KLF8: variants seen among roughly 807,000 people sequenced by gnomAD.
KLF8 encodes the protein Krueppel-like factor 8.
KLF8 carries 10 observed loss-of-function variants against 18.2 expected under a neutral mutation model. The ratio of observed to expected loss-of-function variants is 0.55; its 90% CI spans 0.34 to 0.93. The LOEUF is 0.93. Ranked by LOEUF, KLF8 falls within the 40% of genes least tolerant of loss-of-function variation. The pLI is 0.02. For synonymous variants in KLF8, 109 were observed against 97.3 expected (o/e 1.12, Z -0.71); for missense variants, 264 against 277.9 (o/e 0.95, Z 0.36).
At chrX:56,029,050 T>G in the KLF8 span, among the ~76,000 whole-genome samples, 1 of 110,867 alleles carries the variant, frequency 9.0e-6, no homozygotes, top group Non-Finnish European at 1.9e-5. Flanking sequence ...TTCAAGAGCT[T>G]CCCTGGGAAC....
chrX:55,911,372 T>C, the KLF8 span, among the ~76,000 whole-genome samples: 11 of 112,171 alleles, frequency 9.8e-5, no homozygotes, highest in African/African-American at 3.6e-4. Flanking sequence ...GTCTCTTCAA[T>C]GTACTTCAAC....
At chrX:56,093,015 GA>G in the KLF8 span, among the ~76,000 whole-genome samples, 14,081 of 87,185 alleles carry the variant, frequency 0.16, 1,098 homozygotes, top group African/African-American at 0.28. Context: ...GAAAATGAAT[GA>G]AAAAAAAAAA....
At chrX:56,081,113 A>G in the KLF8 span, among the ~76,000 whole-genome samples, 1 of 111,296 alleles carries the variant, frequency 9.0e-6, no homozygotes, top group Non-Finnish European at 1.9e-5. Context: ...CTTAGCTCAG[A>G]GTAATTTGAT....
intron 1 of KLF8, among the ~76,000 whole-genome samples, chrX:56,248,324 GT>G (rs1473853893): frequency 9.0e-6 from 1 of 111,040 alleles, no homozygotes. Context: ...AAAGAACAGT[GT>G]CGTATCTGTG....
chrX:56,020,015 A>C, the KLF8 span, among the ~76,000 whole-genome samples: 1 of 111,934 alleles, frequency 8.9e-6, no homozygotes, highest in African/African-American at 3.2e-5. Context: ...ATAAAAACAG[A>C]ATAGAGAATT....
At chrX:55,957,559 T>C in the KLF8 span, among the ~76,000 whole-genome samples, 1 of 112,358 alleles carries the variant, frequency 8.9e-6, no homozygotes, top group African/African-American at 3.2e-5. Flanking sequence ...GTTTTCATTA[T>C]TTTCTTTCAG....
chrX:56,072,572 C>T, the KLF8 span, among the ~76,000 whole-genome samples: 3 of 111,718 alleles, frequency 2.7e-5, no homozygotes, highest in Non-Finnish European at 3.8e-5. Flanking sequence ...GATATATTTA[C>T]GCTTTTATCT....
chrX:55,922,636 A>C, the KLF8 span, among the ~76,000 whole-genome samples: 5 of 112,765 alleles, frequency 4.4e-5, no homozygotes, highest in Admixed American at 4.7e-4. Flanking sequence ...CGAAAGAAAG[A>C]AAAAATCCCA....
chrX:56,268,814 T>C (rs1453779427), intron 3 of KLF8: 2 of 815,516 alleles, frequency 2.5e-6, no homozygotes, highest in East Asian at 1.2e-4. Flanking sequence ...ATAAGGAATA[T>C]TTGACAGCTT....
chrX:56,119,957 G>A, the KLF8 span, among the ~76,000 whole-genome samples: 3 of 108,095 alleles, frequency 2.8e-5, no homozygotes, highest in Non-Finnish European at 5.7e-5. Context: ...ACTCCATTTC[G>A]GCCCTTTTAC....
At chrX:56,048,023 A>G in the KLF8 span, among the ~76,000 whole-genome samples, 3 of 112,080 alleles carry the variant, frequency 2.7e-5, no homozygotes, top group African/African-American at 9.7e-5. Flanking sequence ...GCCAGTCATG[A>G]TAAGCATTTT....
chrX:56,165,558 G>A, the KLF8 span, among the ~76,000 whole-genome samples: 11 of 111,885 alleles, frequency 9.8e-5, no homozygotes, highest in South Asian at 3.7e-3. Flanking sequence ...ACGTTGTCAT[G>A]TTTCATTGTA....
the KLF8 span, among the ~76,000 whole-genome samples, chrX:55,989,932 G>A: frequency 9.0e-6 from 1 of 111,437 alleles, no homozygotes; most frequent in African/African-American, 3.3e-5. Context: ...TTAGTCTTGG[G>A]GGGGTGTATG....
At chrX:56,162,237 A>G in the KLF8 span, among the ~76,000 whole-genome samples, 1 of 112,225 alleles carries the variant, frequency 8.9e-6, no homozygotes, top group South Asian at 3.7e-4. Context: ...TTGCGGAGGC[A>G]GTCTGTCCAT....
the KLF8 span, among the ~76,000 whole-genome samples, chrX:56,140,814 A>AAG: frequency 1.9e-5 from 2 of 105,740 alleles, no homozygotes; most frequent in African/African-American, 7.3e-5. Flanking sequence ...AAAAAAAAAA[A>AAG]AAAAAGAAAT....
At chrX:55,946,290 G>A in the KLF8 span, among the ~76,000 whole-genome samples, 48 of 111,374 alleles carry the variant, frequency 4.3e-4, no homozygotes, top group African/African-American at 1.2e-3. Flanking sequence ...AAACAGAGAT[G>A]TAGATCAATG....
the KLF8 span, among the ~76,000 whole-genome samples, chrX:56,155,675 T>C: frequency 9.0e-6 from 1 of 111,545 alleles, no homozygotes; most frequent in African/African-American, 3.2e-5. Context: ...ATTTCAACTT[T>C]TATTTTAGTT....
At chrX:56,077,334 G>T in the KLF8 span, among the ~76,000 whole-genome samples, 1 of 111,811 alleles carries the variant, frequency 8.9e-6, no homozygotes, top group Non-Finnish European at 1.9e-5. Context: ...TGTAAGGAAG[G>T]GATCCAGTTT....
the KLF8 span, among the ~76,000 whole-genome samples, chrX:56,179,639 G>T: frequency 1.8e-5 from 2 of 111,693 alleles, no homozygotes; most frequent in African/African-American, 6.5e-5. Flanking sequence ...GTCCTAAATA[G>T]CTCTTATTAT....
Sources: gnomAD v4.1 joint callset for allele counts (sites outside exome capture counted in the v4.1 genomes callset) on GRCh38, gnomAD v4.1.1 for gene constraint, MANE v1.5 for transcripts, NCBI Gene and HGNC (gene_info 2026-07-23, HGNC 2026-07-21) for gene names.